HIP1: variants seen among roughly 807,000 people sequenced by gnomAD.
The protein encoded by HIP1 is huntingtin interacting protein 1.
HIP1 carries 65 observed loss-of-function variants against 147.6 expected under a neutral mutation model. That is an observed-to-expected ratio of 0.44 (90% CI 0.36 to 0.54). The LOEUF (loss-of-function observed/expected upper bound fraction) is 0.54, where lower values mean the gene tolerates loss of function less well. Ranked by LOEUF, HIP1 falls within the 20% of genes least tolerant of loss-of-function variation. The pLI is 0.00. For missense variants in HIP1, 1,061 were observed against 1,299.6 expected (o/e 0.82, Z 2.82); for synonymous variants, 479 against 504.0 (o/e 0.95, Z 0.67).
chr7:75,664,050 G>GTATA (rs782384479), intron 1 of HIP1, among the ~76,000 whole-genome samples: 4 of 16,508 alleles, frequency 2.4e-4, no homozygotes, highest in Non-Finnish European at 4.1e-4. Flanking sequence ...ACATATATGT[G>GTATA]TATATACACA....
intron 1 of HIP1, among the ~76,000 whole-genome samples, chr7:75,693,393 C>T (rs1800523798): frequency 6.6e-6 from 1 of 152,112 alleles, no homozygotes; most frequent in African/African-American, 2.4e-5. Context: ...CCCCCCACGC[C>T]AGTGCCCTTG....
chr7:75,556,061 G>A lies in HIP1; in HGVS notation c.1792C>T (p.Leu598=). Residue 598 remains leucine (L), a synonymous_variant, in exon 18 of 31, where the codon CTG becomes TTG. Transcript: ENST00000336926. ...EEELSALRKE[L]QDTQLKLAST... is the part of the protein sequence containing the mutation. Reference sequence around the variant, plus strand: ...GCCAGTTTGAGCTGAGTGTCCTGCAGTTCTTTCCGAAGAGCAGATAATTCC... The same window carrying A: ...GCCAGTTTGAGCTGAGTGTCCTGCAATTCTTTCCGAAGAGCAGATAATTCC... 6.2e-7 allele frequency: 1 copy of A among 1,614,210 alleles called. No homozygotes were observed. The highest frequency in any genetic ancestry group is 8.5e-7 in the Non-Finnish European group (1 of 1,180,024).
At chr7:75,580,463 T>C (rs1554498391) in intron 7 of HIP1, among the ~76,000 whole-genome samples, 1 of 151,958 alleles carries the variant, frequency 6.6e-6, no homozygotes, top group Non-Finnish European at 1.5e-5. Context: ...GGAGGCCAGG[T>C]GTGGTAGCTC....
At chr7:75,561,940 C>T in intron 12 of HIP1, 133 bp downstream of exon 12, 1 of 642,988 alleles carries the variant, frequency 1.6e-6, no homozygotes, top group Non-Finnish European at 2.8e-6. Context: ...AGCCATTGCC[C>T]CCAACCCTTC....
At chr7:75,577,949 G>A (rs587692310) in intron 7 of HIP1, among the ~76,000 whole-genome samples, 56 of 152,264 alleles carry the variant, frequency 3.7e-4, no homozygotes, top group African/African-American at 1.3e-3. Context: ...GCAGCGAGCT[G>A]AGATGGTGCC....
At chr7:75,658,854 A>T (rs962521855) in intron 1 of HIP1, among the ~76,000 whole-genome samples, 1 of 152,184 alleles carries the variant, frequency 6.6e-6, no homozygotes, top group Non-Finnish European at 1.5e-5. Flanking sequence ...TGATTGTGCC[A>T]CTGCATTCCA....
intron 1 of HIP1, among the ~76,000 whole-genome samples, chr7:75,710,475 G>A (rs1297079890): frequency 6.6e-6 from 1 of 152,118 alleles, no homozygotes; most frequent in African/African-American, 2.4e-5. Flanking sequence ...TAGTTTTCTT[G>A]TAGTGTCTTT....
Position 75,685,490 on chromosome 7 carries a change from C to A in HIP1, c.120+53311G>T, listed in dbSNP as rs544517285. Among the ~76,000 whole-genome samples, 328 of 152,302 alleles carry A rather than the reference C, an allele frequency of 2.2e-3. 1 individual carries two copies. Among genetic ancestry groups the A allele is most frequent in the Non-Finnish European group, 3.7e-3 (253 of 68,026 alleles). ...CTTTGCCCACTTTTCCACTGGGTTG[C>A]GGTTTCCTTCTTATAGCTCTGTGCT... On this transcript the variant is annotated intron_variant, in intron 1 of 30. Coordinates refer to ENST00000336926, the MANE Select transcript of HIP1 (RefSeq NM_005338.7).
chr7:75,697,492 G>A (rs1267841474), intron 1 of HIP1, among the ~76,000 whole-genome samples: 2 of 152,068 alleles, frequency 1.3e-5, no homozygotes, highest in African/African-American at 4.8e-5. Flanking sequence ...TCTCCTGGAT[G>A]TATTCTTCTT....
In HIP1 at chr7:75,568,673, C is replaced by T. The variant is rs1049888421; in HGVS notation, c.746-417G>A. Among the ~76,000 whole-genome samples, 4 of 152,264 alleles carry T rather than the reference C, an allele frequency of 2.6e-5. No individual in the cohort carries two copies. The highest frequency in any genetic ancestry group is 2.1e-4 in the South Asian group (1 of 4,822). On this transcript the variant is annotated intron_variant, in intron 8 of 30. Coordinates refer to ENST00000336926, the MANE Select transcript of HIP1 (RefSeq NM_005338.7). The surrounding 1 kb of genome is among the most constrained non-coding windows in gnomAD (Gnocchi z 4.1). Reference sequence around the variant, plus strand: ...GGCTGATATTAGTCTGGAAGAGATCCGCAGAACCTGCCCAAGAGGATGGCT... The same window carrying T: ...GGCTGATATTAGTCTGGAAGAGATCTGCAGAACCTGCCCAAGAGGATGGCT...
intron 1 of HIP1, among the ~76,000 whole-genome samples, chr7:75,687,076 C>T (rs546193030): frequency 5.9e-5 from 9 of 152,094 alleles, no homozygotes; most frequent in Non-Finnish European, 1.0e-4. Flanking sequence ...GTTCTGGTCT[C>T]TGAAGTTCAT....
intron 9 of HIP1, among the ~76,000 whole-genome samples, chr7:75,566,766 A>G (rs1404894526): frequency 6.6e-6 from 1 of 151,336 alleles, no homozygotes; most frequent in East Asian, 1.9e-4. Context: ...GGGGATGAGG[A>G]AAATGGTGAC....
chr7:75,731,268 A>G (rs1801828756), intron 1 of HIP1, among the ~76,000 whole-genome samples: 3 of 151,564 alleles, frequency 2.0e-5, no homozygotes, highest in Admixed American at 1.3e-4. Context: ...GGATCACTTG[A>G]GGTCAGGAGT....
At chr7:75,667,321 A>T (rs1799592030) in intron 1 of HIP1, among the ~76,000 whole-genome samples, 1 of 152,220 alleles carries the variant, frequency 6.6e-6, no homozygotes, top group Admixed American at 6.6e-5. Context: ...ACCTGGATTC[A>T]GGCTTCTTAG....
At chr7:75,621,295 C>T (rs1251934833) in intron 1 of HIP1, among the ~76,000 whole-genome samples, 1 of 147,760 alleles carries the variant, frequency 6.8e-6, no homozygotes, top group Admixed American at 6.8e-5. Context: ...AGCTGGCAGG[C>T]GCGAGGAAGT....
rs1323036105 is a variant in HIP1, at chr7:75,536,039, A to G, written c.*2133T>C. ...ACCCCTTGGTAATTGGGAACATATG[A>G]GTTAGAATGGCTGAGATCTAGAAGT... is the stretch of plus-strand genomic sequence containing the variant. On this transcript the variant is annotated 3_prime_UTR_variant, in exon 31 of 31. Coordinates refer to ENST00000336926, the MANE Select transcript of HIP1 (RefSeq NM_005338.7). 3 of 182,556 alleles carry G rather than the reference A, an allele frequency of 1.6e-5. No homozygotes were observed. The highest frequency in any genetic ancestry group is 3.5e-5 in the Non-Finnish European group (3 of 85,786). 11.3% of individuals were successfully genotyped at this position (182,556 alleles called of 1,614,324 possible).
chr7:75,547,557 C>T (rs1296850739), intron 24 of HIP1, among the ~76,000 whole-genome samples, 198 bp downstream of exon 24: 3 of 152,108 alleles, frequency 2.0e-5, no homozygotes, highest in East Asian at 1.9e-4. Context: ...CGGGAGCTAC[C>T]GCGCGGGTTT....
At chr7:75,652,780 A>C (rs897235071) in intron 1 of HIP1, among the ~76,000 whole-genome samples, 8 of 152,208 alleles carry the variant, frequency 5.3e-5, no homozygotes, top group African/African-American at 1.9e-4. Context: ...GAAGAGGTAA[A>C]ATAGAAAGTC....
chr7:75,690,181 G>A (rs57781659), intron 1 of HIP1, among the ~76,000 whole-genome samples: 1 of 152,072 alleles, frequency 6.6e-6, no homozygotes, highest in African/African-American at 2.4e-5. Context: ...AGGAGGCTGG[G>A]GTTGGAAGAT....
Sources: gnomAD v4.1 joint callset for allele counts (sites outside exome capture counted in the v4.1 genomes callset) on GRCh38, gnomAD v4.1.1 for gene constraint, Gnocchi (gnomAD v3.1) non-coding constraint, MANE v1.5 for transcripts, NCBI Gene and HGNC (gene_info 2026-07-23, HGNC 2026-07-21) for gene names.